CSGALNACT1: variants seen among roughly 807,000 people sequenced by gnomAD.
The protein encoded by CSGALNACT1 is beta4GalNAcT-1.
CSGALNACT1 carries 52 observed loss-of-function variants against 51.0 expected under a neutral mutation model. The observed-to-expected ratio is 1.02, with a 90% CI of 0.82 to 1.29. CSGALNACT1 has a LOEUF of 1.29. Ranked by LOEUF, CSGALNACT1 falls within the 50% of genes most tolerant of loss-of-function variation. The pLI is 0.00. For missense variants in CSGALNACT1, 935 were observed against 679.2 expected, an observed-to-expected ratio of 1.38 and a Z score of -4.19; for synonymous variants, 341 against 254.4, an observed-to-expected ratio of 1.34 and a Z score of -3.24.
At chr8:19,419,159 C>A (rs539272647) in intron 7 of CSGALNACT1, among the ~76,000 whole-genome samples, 1 of 152,186 alleles carries the variant, frequency 6.6e-6, no homozygotes, top group Non-Finnish European at 1.5e-5. Flanking sequence ...AGCCACTTTT[C>A]CTTTTCCCTT....
intron 3 of CSGALNACT1, among the ~76,000 whole-genome samples, chr8:19,544,086 T>C (rs900002080): frequency 4.5e-4 from 66 of 147,718 alleles, no homozygotes; most frequent in Non-Finnish European, 5.0e-4. Context: ...TTTTTTTTTT[T>C]TTTAAACAAG....
intron 6 of CSGALNACT1, among the ~76,000 whole-genome samples, chr8:19,439,100 G>C (rs1451725785): frequency 1.3e-5 from 2 of 152,242 alleles, no homozygotes. Flanking sequence ...CTACAGGCCA[G>C]CGTGCAGCGC....
chr8:19,571,701 G>T (rs1042420767), intron 3 of CSGALNACT1, among the ~76,000 whole-genome samples: 7 of 152,160 alleles, frequency 4.6e-5, no homozygotes, highest in Admixed American at 4.6e-4. Flanking sequence ...AGCTTTCCCA[G>T]CCAAAGCCCA....
chr8:19,552,672 C>T (rs2088479375), intron 3 of CSGALNACT1, among the ~76,000 whole-genome samples: 1 of 152,148 alleles, frequency 6.6e-6, no homozygotes, highest in Non-Finnish European at 1.5e-5. Context: ...CACTTCAATA[C>T]TGAGATGAAA....
At chr8:19,553,308 A>G (rs1280390915) in intron 3 of CSGALNACT1, among the ~76,000 whole-genome samples, 1 of 152,098 alleles carries the variant, frequency 6.6e-6, no homozygotes, top group Non-Finnish European at 1.5e-5. Flanking sequence ...TGTTTATTAA[A>G]TGGTACCCTA....
intron 3 of CSGALNACT1, among the ~76,000 whole-genome samples, chr8:19,542,062 G>T (rs1405426874): frequency 6.6e-6 from 1 of 152,080 alleles, no homozygotes; most frequent in East Asian, 1.9e-4. Context: ...CTCTAACCAA[G>T]GAGATTGTCT....
At chr8:19,666,692 T>C (rs2059198942) in intron 1 of CSGALNACT1, among the ~76,000 whole-genome samples, 1 of 141,126 alleles carries the variant, frequency 7.1e-6, no homozygotes, top group African/African-American at 2.7e-5. Flanking sequence ...ACCAAGACTG[T>C]CCCGGGAGAG....
chr8:19,580,831 A>G (rs896658528), intron 3 of CSGALNACT1, among the ~76,000 whole-genome samples: 12 of 152,242 alleles, frequency 7.9e-5, no homozygotes, highest in Middle Eastern at 6.3e-3. Context: ...GCTTCTATAA[A>G]AAAGAGGAAA....
chr8:19,753,798 T>A (rs1246257099), intron 1 of CSGALNACT1, among the ~76,000 whole-genome samples: 1 of 152,232 alleles, frequency 6.6e-6, no homozygotes, highest in Non-Finnish European at 1.5e-5. Flanking sequence ...TAATGTTTGT[T>A]TATATACATT....
At chr8:19,728,041 T>A (rs2063497325) in intron 1 of CSGALNACT1, among the ~76,000 whole-genome samples, 1 of 152,190 alleles carries the variant, frequency 6.6e-6, no homozygotes, top group Non-Finnish European at 1.5e-5. Context: ...GGCTGTGTCA[T>A]GTAATGATTA....
intron 4 of CSGALNACT1, among the ~76,000 whole-genome samples, chr8:19,473,959 G>T (rs889229105): frequency 6.6e-6 from 1 of 152,210 alleles, no homozygotes; most frequent in African/African-American, 2.4e-5. Flanking sequence ...GTAAGCTTGA[G>T]AAAATACAGG....
chr8:19,699,839 C>T (rs905673553), intron 1 of CSGALNACT1, among the ~76,000 whole-genome samples: 1 of 152,012 alleles, frequency 6.6e-6, no homozygotes, highest in Non-Finnish European at 1.5e-5. Flanking sequence ...GGGCTGGGCA[C>T]GGTGGCTCAG....
intron 1 of CSGALNACT1, among the ~76,000 whole-genome samples, chr8:19,691,174 G>A (rs1325730012): frequency 2.0e-5 from 3 of 152,192 alleles, no homozygotes; most frequent in Admixed American, 6.5e-5. Flanking sequence ...GGCCACGCCC[G>A]AAGGAGAAAA....
chr8:19,410,549 G>A (rs528980688), intron 8 of CSGALNACT1, among the ~76,000 whole-genome samples: 9 of 152,232 alleles, frequency 5.9e-5, no homozygotes, highest in African/African-American at 1.4e-4. Context: ...AAAAAGGAAC[G>A]CTCCGAACAG....
At chr8:19,484,864 G>T (rs1237856030) in intron 4 of CSGALNACT1, among the ~76,000 whole-genome samples, 1 of 152,122 alleles carries the variant, frequency 6.6e-6, no homozygotes, top group Admixed American at 6.5e-5. Context: ...TGGACACACA[G>T]GAGAGACACC....
Position 19,584,564 on chromosome 8 carries a change from C to T in CSGALNACT1, c.-297+6596G>A, listed in dbSNP as rs114837740. ...TATGCCATTATAAAATTCTAGCTAA[C>T]GCCACTAAATTCTAGGCATAAAGTA... On this transcript the variant is annotated intron_variant, in intron 3 of 9. Transcript: ENST00000454498. Among the ~76,000 whole-genome samples, 1,022 of 152,270 alleles carry T rather than the reference C, an allele frequency of 6.7e-3. 7 individuals are homozygous for T. Among genetic ancestry groups the T allele is most frequent in the South Asian group, 0.026 (125 of 4,824 alleles).
intron 3 of CSGALNACT1, among the ~76,000 whole-genome samples, chr8:19,569,787 T>C (rs1311684369): frequency 3.3e-5 from 5 of 152,204 alleles, no homozygotes; most frequent in Admixed American, 2.0e-4. Flanking sequence ...TTATCCCTAA[T>C]AGTCCAAAAC....
At chr8:19,499,015 C>T (rs550228340) in intron 4 of CSGALNACT1, among the ~76,000 whole-genome samples, 94 of 152,188 alleles carry the variant, frequency 6.2e-4, no homozygotes, top group African/African-American at 2.0e-3. Context: ...CTCCAAAAGC[C>T]GAGGTGGAGG....
chr8:19,583,936 T>C (rs2046111704), intron 3 of CSGALNACT1, among the ~76,000 whole-genome samples: 1 of 152,232 alleles, frequency 6.6e-6, no homozygotes, highest in Non-Finnish European at 1.5e-5. Context: ...CAGCCATCAC[T>C]CTATGCACCC....
Sources: gnomAD v4.1 joint callset for allele counts (sites outside exome capture counted in the v4.1 genomes callset) on GRCh38, gnomAD v4.1.1 for gene constraint, MANE v1.5 for transcripts, NCBI Gene and HGNC (gene_info 2026-07-23, HGNC 2026-07-21) for gene names.